CHRM3: variants seen among roughly 807,000 people sequenced by gnomAD.
The protein encoded by CHRM3 is cholinergic receptor muscarinic 3.
Under a neutral mutation model 41.8 loss-of-function variants are expected in CHRM3, and 11 were observed. The observed-to-expected ratio is 0.26, with a 90% CI of 0.17 to 0.44. The LOEUF is 0.44. Ranked by LOEUF, CHRM3 falls within the 20% of genes least tolerant of loss-of-function variation. The probability of loss-of-function intolerance (pLI) is 1.00; values close to 1 mark genes in which losing one functional copy is unlikely to be tolerated. For synonymous variants in CHRM3, 297 were observed against 301.4 expected, an observed-to-expected ratio of 0.99 and a Z score of 0.15; for missense variants, 571 against 745.4, an observed-to-expected ratio of 0.77 and a Z score of 2.72.
intron 5 of CHRM3, among the ~76,000 whole-genome samples, chr1:239,800,621 A>C (rs879911612): frequency 6.6e-6 from 1 of 152,164 alleles, no homozygotes; most frequent in African/African-American, 2.4e-5. Flanking sequence ...TCCAAGTCCA[A>C]GGAGATGCCA....
intron 4 of CHRM3, among the ~76,000 whole-genome samples, chr1:239,637,012 C>G (rs926336188): frequency 6.6e-6 from 1 of 152,060 alleles, no homozygotes; most frequent in East Asian, 1.9e-4. Context: ...CAGTTTGTAT[C>G]CTCGGTATTA....
chr1:239,569,040 G>T (rs1389997533), intron 3 of CHRM3, among the ~76,000 whole-genome samples: 9 of 152,110 alleles, frequency 5.9e-5, no homozygotes, highest in Admixed American at 3.3e-4. Context: ...GTAGTGTTGG[G>T]ACAGAATTAA....
At chr1:239,620,698 G>A (rs1668261681) in intron 3 of CHRM3, among the ~76,000 whole-genome samples, 1 of 151,734 alleles carries the variant, frequency 6.6e-6, no homozygotes, top group Non-Finnish European at 1.5e-5. Flanking sequence ...CACACAAAAG[G>A]ATTACTATTG....
rs936312772 is a variant in CHRM3, at chr1:239,647,123, C to T, written c.-250+14837C>T. The stretch of plus-strand genomic sequence containing the variant: ...GTTTGATTTATAAAGAAAACACAAA[C>T]ACCTCCTCTTAGGCTCTCCATTGAT... On this transcript the variant is annotated intron_variant, in intron 4 of 6. Transcript: ENST00000676153. Among the ~76,000 whole-genome samples the T allele has an allele frequency of 3.9e-5, 6 of 152,112 alleles. No homozygotes were observed. In the East Asian group the frequency reaches 1.2e-3, roughly 29 times the overall value.
intron 5 of CHRM3, among the ~76,000 whole-genome samples, chr1:239,729,199 G>A (rs901575877): frequency 6.6e-6 from 1 of 151,786 alleles, no homozygotes; most frequent in African/African-American, 2.4e-5. Flanking sequence ...TTAAAATGTT[G>A]GGATGGAGCA....
chr1:239,480,838 G>A (rs1392595980), intron 1 of CHRM3, among the ~76,000 whole-genome samples: 5 of 152,218 alleles, frequency 3.3e-5, no homozygotes, highest in East Asian at 3.9e-4. Flanking sequence ...GATTACAGGC[G>A]TGAGCCACTG....
intron 5 of CHRM3, among the ~76,000 whole-genome samples, chr1:239,761,482 G>A (rs1666767489): frequency 6.6e-6 from 1 of 152,160 alleles, no homozygotes; most frequent in African/African-American, 2.4e-5. Flanking sequence ...GGACATCACT[G>A]GGTCGTAGAC....
In CHRM3 at chr1:239,642,680, A is replaced by G. The variant is rs1007045836; in HGVS notation, c.-250+10394A>G. Among the ~76,000 whole-genome samples the G allele has an allele frequency of 1.1e-4, 16 of 152,198 alleles. No individual in the cohort carries two copies. In the East Asian group the frequency reaches 2.3e-3, roughly 22 times the overall value. On this transcript the variant is annotated intron_variant, in intron 4 of 6. Coordinates refer to ENST00000676153, the MANE Select transcript of CHRM3 (RefSeq NM_001375978.1). ...TTATACATTCTTCTAAATTTTTTTC[A>G]AAGTTTTTAACTTCTTTGCCTTTGG...
intron 2 of CHRM3, among the ~76,000 whole-genome samples, chr1:239,519,982 C>T (rs568532890): frequency 1.3e-5 from 2 of 152,102 alleles, no homozygotes; most frequent in South Asian, 4.1e-4. Context: ...CTCCTGACCT[C>T]GTGATCTGCT....
chr1:239,711,384 T>C (rs943576657), intron 5 of CHRM3, among the ~76,000 whole-genome samples: 1 of 152,088 alleles, frequency 6.6e-6, no homozygotes, highest in African/African-American at 2.4e-5. Context: ...TGCACTCCTC[T>C]TTCCATGTGG....
intron 4 of CHRM3, among the ~76,000 whole-genome samples, chr1:239,646,087 T>C (rs1671715776): frequency 1.3e-5 from 2 of 152,222 alleles, no homozygotes; most frequent in South Asian, 4.1e-4. Flanking sequence ...AACTTACAAT[T>C]TGATCAAAAG....
At chr1:239,570,946 T>C (rs1661770200) in intron 3 of CHRM3, among the ~76,000 whole-genome samples, 1 of 152,112 alleles carries the variant, frequency 6.6e-6, no homozygotes, top group South Asian at 2.1e-4. Context: ...TACTAGAAGA[T>C]AGCAATAACT....
intron 3 of CHRM3, among the ~76,000 whole-genome samples, chr1:239,618,279 T>TTC (rs796560118): frequency 6.0e-5 from 8 of 133,366 alleles, no homozygotes; most frequent in Admixed American, 3.1e-4. Context: ...TTTTCTTTCT[T>TTC]TTTTTTTTTT....
chr1:239,408,593 G>C (rs781148441), intron 1 of CHRM3, among the ~76,000 whole-genome samples: 3 of 151,110 alleles, frequency 2.0e-5, no homozygotes. Context: ...TTATAGCAGC[G>C]TGAGAACGGA....
At chr1:239,842,115 A>G (rs193159231) in intron 6 of CHRM3, among the ~76,000 whole-genome samples, 85 of 152,304 alleles carry the variant, frequency 5.6e-4, no homozygotes, top group African/African-American at 1.2e-3. Flanking sequence ...TAACAAAACT[A>G]GAAATTGAAT....
intron 5 of CHRM3, among the ~76,000 whole-genome samples, chr1:239,712,625 C>G (rs973642520): frequency 6.6e-6 from 1 of 152,302 alleles, no homozygotes; most frequent in South Asian, 2.1e-4. Context: ...CGCATTTCCT[C>G]GAATACTTGC....
chr1:239,589,013 G>A lies in CHRM3; in HGVS notation c.-312-43211G>A, dbSNP rs868181744. Among the ~76,000 whole-genome samples the A allele has an allele frequency of 6.3e-4, 96 of 151,846 alleles. 1 individual carries two copies. The Middle Eastern group carries it at 0.02, about 32-fold the overall frequency. On this transcript the variant is annotated intron_variant, in intron 3 of 6. Coordinates refer to ENST00000676153, the MANE Select transcript of CHRM3 (RefSeq NM_001375978.1). ...CCATGGTGCAATCCTGGCTCACTGC[G>A]ACTTCTGCTTCCCCGGTGCAAGCAG...
At chr1:239,765,902 C>T (rs1667166030) in intron 5 of CHRM3, among the ~76,000 whole-genome samples, 1 of 151,584 alleles carries the variant, frequency 6.6e-6, no homozygotes, top group East Asian at 1.9e-4. Flanking sequence ...CTGCAACCTC[C>T]ACCTTCTGGG....
At chr1:239,887,211 T>C (rs1678146143) in intron 6 of CHRM3, among the ~76,000 whole-genome samples, 1 of 152,082 alleles carries the variant, frequency 6.6e-6, no homozygotes, top group Admixed American at 6.5e-5. Context: ...CTTTTTTTTT[T>C]GGCGGGGGTA....
Sources: gnomAD v4.1 joint callset for allele counts (sites outside exome capture counted in the v4.1 genomes callset) on GRCh38, gnomAD v4.1.1 for gene constraint, MANE v1.5 for transcripts, NCBI Gene and HGNC (gene_info 2026-07-23, HGNC 2026-07-21) for gene names.